The following INSC variants were observed in gnomAD, a reference collection of about 807,000 sequenced individuals.
INSC encodes INSC spindle orientation adaptor protein, also known as protein inscuteable homolog.
A neutral mutation model predicts 58.6 loss-of-function variants in INSC; 67 were observed. The observed-to-expected ratio is 1.14, with a 90% CI of 0.94 to 1.40. The LOEUF (loss-of-function observed/expected upper bound fraction) is 1.40, where lower values mean the gene tolerates loss of function less well. INSC is among the 40% of genes most tolerant of loss of function. INSC has a pLI of 0.00. For missense variants in INSC, 714 were observed against 692.0 expected, an observed-to-expected ratio of 1.03 and a Z score of -0.36; for synonymous variants, 262 against 276.1, an observed-to-expected ratio of 0.95 and a Z score of 0.51.
the INSC span, among the ~76,000 whole-genome samples, chr11:15,268,036 C>A: frequency 6.6e-6 from 1 of 151,978 alleles, no homozygotes; most frequent in African/African-American, 2.4e-5. Flanking sequence ...GGAAGACTAC[C>A]AACCTCTGCC....
chr11:15,212,757 T>C (rs375696561), intron 7 of INSC, among the ~76,000 whole-genome samples: 1 of 152,240 alleles, frequency 6.6e-6, no homozygotes, highest in African/African-American at 2.4e-5. Context: ...TAGAGTTTTC[T>C]ATGTACACAA....
At chr11:15,167,734 T>G (rs923727893) in intron 2 of INSC, among the ~76,000 whole-genome samples, 1 of 152,014 alleles carries the variant, frequency 6.6e-6, no homozygotes, top group Admixed American at 6.6e-5. Flanking sequence ...TCCTCCCACC[T>G]CCACCTCCCA....
chr11:15,138,214 G>A (rs890928996), intron 1 of INSC, among the ~76,000 whole-genome samples: 3 of 152,064 alleles, frequency 2.0e-5, no homozygotes, highest in Admixed American at 6.5e-5. Flanking sequence ...AAAGATCACT[G>A]ATCACAGATC....
At chr11:15,165,065 T>C (rs1849148994) in intron 2 of INSC, among the ~76,000 whole-genome samples, 1 of 152,226 alleles carries the variant, frequency 6.6e-6, no homozygotes, top group South Asian at 2.1e-4. Context: ...CGAGCAGGTC[T>C]TACAGCTGTT....
intron 1 of INSC, among the ~76,000 whole-genome samples, chr11:15,133,796 A>C (rs1165192284): frequency 6.6e-6 from 1 of 152,210 alleles, no homozygotes; most frequent in Non-Finnish European, 1.5e-5. Context: ...GCCTCTCCAG[A>C]TTTCTTACAC....
intron 5 of INSC, among the ~76,000 whole-genome samples, chr11:15,186,282 A>G (rs996081641): frequency 6.6e-6 from 1 of 151,788 alleles, no homozygotes; most frequent in African/African-American, 2.4e-5. Flanking sequence ...TCTGCCCCCA[A>G]TGTTCTCTTT....
chr11:15,217,648 G>A (rs1483635760), intron 7 of INSC, among the ~76,000 whole-genome samples: 1 of 152,128 alleles, frequency 6.6e-6, no homozygotes, highest in Non-Finnish European at 1.5e-5. Flanking sequence ...CAAGTGGCTG[G>A]TCAGCTGCAT....
chr11:15,177,650 A>G (rs910774834), intron 4 of INSC, among the ~76,000 whole-genome samples: 3 of 152,166 alleles, frequency 2.0e-5, no homozygotes, highest in African/African-American at 7.2e-5. Context: ...AAACCTACAT[A>G]TGTTTATACT....
intron 2 of INSC, among the ~76,000 whole-genome samples, chr11:15,153,387 C>T (rs1042211446): frequency 6.6e-6 from 1 of 152,188 alleles, no homozygotes; most frequent in Non-Finnish European, 1.5e-5. Flanking sequence ...AACCAGCTTC[C>T]CTGAGCCAGT....
At chr11:15,192,861 A>T (rs183256196) in intron 6 of INSC, among the ~76,000 whole-genome samples, 207 of 152,326 alleles carry the variant, frequency 1.4e-3, no homozygotes, top group Middle Eastern at 3.4e-3. Context: ...CTCTAATGAC[A>T]TTTATACTCA....
intron 2 of INSC, among the ~76,000 whole-genome samples, chr11:15,172,773 G>A (rs1849443253): frequency 6.6e-6 from 1 of 152,132 alleles, no homozygotes. Context: ...GGTGTAGAGT[G>A]TGTTTGTGGC....
intron 1 of INSC, among the ~76,000 whole-genome samples, chr11:15,119,303 C>A (rs528579830): frequency 1.3e-5 from 2 of 152,170 alleles, no homozygotes; most frequent in Non-Finnish European, 2.9e-5. Context: ...TTCAACCCCC[C>A]ACCAACATGC....
chr11:15,187,038 C>T (rs1849994363), intron 5 of INSC, among the ~76,000 whole-genome samples: 1 of 152,138 alleles, frequency 6.6e-6, no homozygotes, highest in Non-Finnish European at 1.5e-5. Flanking sequence ...TATTCACTCA[C>T]ATGTATGGTG....
At chr11:15,240,651 C>A in intron 12 of INSC, 128 bp downstream of exon 12, 1 of 705,112 alleles carries the variant, frequency 1.4e-6, no homozygotes, top group South Asian at 1.6e-5. Context: ...TAGCTTTTCT[C>A]TTTAGGATTG....
At chr11:15,161,962 A>ATTATGGTTTAATT (rs1849035136) in intron 2 of INSC, among the ~76,000 whole-genome samples, 1 of 152,210 alleles carries the variant, frequency 6.6e-6, no homozygotes, top group African/African-American at 2.4e-5. Context: ...TACATAAATA[A>ATTATGGTTTAATT]TTATGGTTTA....
At chr11:15,190,947 T>A in intron 6 of INSC, 133 bp downstream of exon 6, 1 of 623,800 alleles carries the variant, frequency 1.6e-6, no homozygotes, top group South Asian at 1.9e-5. Context: ...CTTGGGAGAG[T>A]CACTTATCCT....
chr11:15,148,799 T>C (rs1676613816), intron 1 of INSC, among the ~76,000 whole-genome samples: 1 of 152,210 alleles, frequency 6.6e-6, no homozygotes, highest in South Asian at 2.1e-4. Flanking sequence ...ATAGATACTT[T>C]TTAGTACAAG....
chr11:15,245,418 C>A (rs751965190), intron 12 of INSC, among the ~76,000 whole-genome samples: 9 of 152,132 alleles, frequency 5.9e-5, no homozygotes, highest in Non-Finnish European at 1.0e-4. Context: ...GTGTGGGGAG[C>A]TGGGGAGTGA....
intron 7 of INSC, among the ~76,000 whole-genome samples, chr11:15,215,254 A>T (rs1020128354): frequency 2.6e-5 from 4 of 152,250 alleles, no homozygotes; most frequent in Admixed American, 1.3e-4. Context: ...TGCTTCCAGC[A>T]GCAATTTCTT....
Sources: allele counts gnomAD v4.1 joint callset (sites outside exome capture counted in the v4.1 genomes callset), GRCh38; gene constraint gnomAD v4.1.1; transcripts MANE v1.5; gene names NCBI Gene and HGNC (gene_info 2026-07-23, HGNC 2026-07-21).